Variants in RASL12 observed in about 807,000 individuals in gnomAD.
RASL12 encodes ras-like protein family member 12.
RASL12 carries 16 observed loss-of-function variants against 22.9 expected under a neutral mutation model. The ratio of observed to expected loss-of-function variants is 0.70; its 90% CI spans 0.47 to 1.06. The LOEUF is 1.06. Among genes scored for constraint, RASL12 ranks in the 50% least tolerant of loss-of-function variants. The pLI is 0.00. For missense variants in RASL12, 306 were observed against 353.1 expected (o/e 0.87, Z 1.07); for synonymous variants, 159 against 152.2 (o/e 1.04, Z -0.33).
Position 65,053,535 on chromosome 15 carries a change from C to T in RASL12, c.*1364G>A. ...CATGTGGTCTTGAGTAGTTCACAGCCCCCCTCTGACCTCAGCTCCTCCATT... is the reference window on the plus strand; with the variant it reads ...CATGTGGTCTTGAGTAGTTCACAGCTCCCCTCTGACCTCAGCTCCTCCATT... On this transcript the variant is annotated 3_prime_UTR_variant, in exon 5 of 5. Coordinates refer to ENST00000220062, the MANE Select transcript of RASL12 (RefSeq NM_016563.4). 2 of 1,025,304 alleles carry T rather than the reference C, an allele frequency of 2.0e-6. No individual in the cohort carries two copies. The highest frequency in any genetic ancestry group is 2.3e-6 in the Non-Finnish European group (2 of 855,396). 63.5% of individuals were successfully genotyped at this position (1,025,304 alleles called of 1,614,324 possible).
the RASL12 span, among the ~76,000 whole-genome samples, chr15:65,046,520 T>G: frequency 6.6e-6 from 1 of 152,218 alleles, no homozygotes; most frequent in Non-Finnish European, 1.5e-5. Context: ...CTAACATAGC[T>G]GAGGAGGGCT....
downstream of RASL12, chr15:65,049,492 T>C (rs1467232752): frequency 6.6e-6 from 1 of 152,184 alleles, no homozygotes; most frequent in East Asian, 1.9e-4. Context: ...AGGCCCAGCC[T>C]TTGACATGTG....
downstream of RASL12, among the ~76,000 whole-genome samples, chr15:65,048,690 T>G (rs2086607157): frequency 6.6e-6 from 1 of 152,222 alleles, no homozygotes; most frequent in Non-Finnish European, 1.5e-5. Flanking sequence ...CAGCTTAATG[T>G]GTTTAATGCG....
intron 1 of RASL12, among the ~76,000 whole-genome samples, chr15:65,075,343 C>A (rs1025353764): frequency 6.6e-6 from 1 of 152,228 alleles, no homozygotes; most frequent in African/African-American, 2.4e-5. Flanking sequence ...CGAGCCTCCC[C>A]GACGAGCACT....
At chr15:65,076,408 T>C (rs950707404) in intron 1 of RASL12, 81 of 504,594 alleles carry the variant, frequency 1.6e-4, no homozygotes, top group Admixed American at 1.2e-3. Context: ...AGCGAAGGTC[T>C]GCAGCTTCAC....
At chr15:65,063,485 T>C (rs1199281577) in intron 2 of RASL12, among the ~76,000 whole-genome samples, 1 of 152,192 alleles carries the variant, frequency 6.6e-6, no homozygotes, top group South Asian at 2.1e-4. Flanking sequence ...TGACCTCTGC[T>C]AATCAAAGGG....
Position 65,075,324 on chromosome 15 carries a change from TGTGCG to T in RASL12, c.70+1200_70+1204del, listed in dbSNP as rs2086958575. ...GCCTCCCATCCACTCCATGGGCTCC[TGTGCG>T]GCCCGAGCCTCCCCGACGAGCACTA... On this transcript the variant is annotated intron_variant, in intron 1 of 4. Coordinates refer to the RASL12 transcript ENST00000434605. 5.9e-5 allele frequency among the ~76,000 whole-genome samples: 9 copies of T among 152,338 alleles called. No homozygotes were observed. In the South Asian group the frequency reaches 1.9e-3, roughly 32 times the overall value.
At chr15:65,049,882 C>T, downstream of RASL12, 2 of 601,660 alleles carry the variant, frequency 3.3e-6, no homozygotes, top group Non-Finnish European at 5.6e-6. Context: ...GTCATGCTGT[C>T]TGCTTTGTTT....
In RASL12 at chr15:65,053,356, C is replaced by A. The variant is rs558979499; in HGVS notation, c.*1543G>T. On this transcript the variant is annotated 3_prime_UTR_variant, in exon 5 of 5. Transcript: ENST00000220062. ...CTAAAATTCTGTTATTAAAAAAAAT[C>A]TTTTATTAAAATGCTCCTGGAAGGG... 26 of 1,410,308 alleles carry A rather than the reference C, an allele frequency of 1.8e-5. No individual in the cohort carries two copies. The highest frequency in any genetic ancestry group is 1.0e-4 in the East Asian group (4 of 38,146). The allele number at this position is 1,410,308 out of a possible 1,614,324, so 87.4% of individuals were successfully genotyped here. A position where few individuals can be genotyped will look rare whatever the true frequency, so the allele number is the denominator to read the frequency against.
chr15:65,046,927 A>G, the RASL12 span, among the ~76,000 whole-genome samples: 2 of 152,014 alleles, frequency 1.3e-5, no homozygotes, highest in Non-Finnish European at 2.9e-5. Context: ...AACAAAAAAC[A>G]AAAAAACACC....
the RASL12 span, among the ~76,000 whole-genome samples, chr15:65,047,186 A>G: frequency 6.6e-6 from 1 of 151,676 alleles, no homozygotes; most frequent in Admixed American, 6.6e-5. Flanking sequence ...AAATACAAAA[A>G]TTAGCCAGGT....
At chr15:65,068,994 G>A (rs564362092), upstream of RASL12, among the ~76,000 whole-genome samples, 10 of 152,348 alleles carry the variant, frequency 6.6e-5, 1 homozygote, top group African/African-American at 2.4e-4. The surrounding 1 kb of genome is among the most constrained non-coding windows in gnomAD (Gnocchi z 4.2). Flanking sequence ...CTCTTCTGGA[G>A]TACGCTCCAG....
chr15:65,053,741 G>A lies in RASL12; in HGVS notation c.*1158C>T. The A allele has an allele frequency of 1.0e-6, 1 of 986,510 alleles. No individual in the cohort carries two copies. The highest frequency in any genetic ancestry group is 1.2e-6 in the Non-Finnish European group (1 of 830,572). The allele number at this position is 986,510 out of a possible 1,614,324, so 61.1% of individuals were successfully genotyped here. On this transcript the variant is annotated 3_prime_UTR_variant, in exon 5 of 5. Transcript: ENST00000220062. ...TAAGAGTCTGTGCAAGACTTCCCTG[G>A]GACCTGGCGTGTGGTAAACAAAATC...
intron 2 of RASL12, 47 bp downstream of exon 2, chr15:65,065,170 T>G: frequency 6.3e-7 from 1 of 1,590,874 alleles, no homozygotes. Flanking sequence ...AGGAGAGCAC[T>G]CCAGATGGGG....
upstream of RASL12, among the ~76,000 whole-genome samples, chr15:65,071,168 T>C (rs1053259648): frequency 2.6e-5 from 4 of 152,216 alleles, no homozygotes; most frequent in African/African-American, 4.8e-5. Flanking sequence ...GAGAGTCTAC[T>C]TAACAGACGC....
In RASL12 at chr15:65,061,177, T is replaced by C. The variant is rs1404162628; in HGVS notation, c.161-1759A>G. ...CCTTTCAAGGTTGCTGTTAGCTCCATTGTAGAGAGATGGCAAGGTGAGGCC... is the reference window on the plus strand; with the variant it reads ...CCTTTCAAGGTTGCTGTTAGCTCCACTGTAGAGAGATGGCAAGGTGAGGCC... On this transcript the variant is annotated intron_variant, in intron 2 of 4. Coordinates refer to ENST00000220062, the MANE Select transcript of RASL12 (RefSeq NM_016563.4). Among the ~76,000 whole-genome samples, 10 of 132,878 alleles carry C rather than the reference T, an allele frequency of 7.5e-5. No homozygotes were observed. In the Middle Eastern group the frequency reaches 0.011, roughly 151 times the overall value. 87.2% of individuals were successfully genotyped at this position (132,878 alleles called of 152,430 possible).
At chr15:65,074,816 G>A (rs922388664) in intron 1 of RASL12, among the ~76,000 whole-genome samples, 8 of 152,270 alleles carry the variant, frequency 5.3e-5, no homozygotes, top group Non-Finnish European at 5.9e-5. Flanking sequence ...GCACGCTGCA[G>A]GTGCACGGTA....
chr15:65,053,286 C>CT (rs368374478), downstream of RASL12: 28,247 of 922,134 alleles, frequency 0.031, no homozygotes, highest in South Asian at 0.058. Flanking sequence ...TTCTTTCTTT[C>CT]TTTTTTTTTT....
the RASL12 span, among the ~76,000 whole-genome samples, chr15:65,045,998 T>C: frequency 3.3e-5 from 5 of 152,136 alleles, no homozygotes; most frequent in Non-Finnish European, 7.4e-5. Flanking sequence ...AAACCCCATC[T>C]CTACTAAAAA....
Sources: allele counts gnomAD v4.1 joint callset (sites outside exome capture counted in the v4.1 genomes callset), GRCh38; gene constraint gnomAD v4.1.1; non-coding constraint Gnocchi (gnomAD v3.1); transcripts MANE v1.5; gene names NCBI Gene and HGNC (gene_info 2026-07-23, HGNC 2026-07-21).